The following ZNF600 variants were observed in gnomAD, a reference collection of about 807,000 sequenced individuals.
ZNF600 encodes the protein zinc finger protein KR-ZNF1.
A neutral mutation model predicts 7.3 loss-of-function variants in ZNF600; 4 were observed. The ratio of observed to expected loss-of-function variants is 0.55; its 90% CI spans 0.27 to 1.25. ZNF600 has a LOEUF of 1.25. Among genes scored for constraint, ZNF600 ranks in the 50% most tolerant of loss-of-function variants. The pLI is 0.12. For missense variants in ZNF600, 911 were observed against 922.1 expected (o/e 0.99, Z 0.16); for synonymous variants, 290 against 308.9 (o/e 0.94, Z 0.64).
the ZNF600 span, chr19:52,800,763 C>T: frequency 1.2e-6 from 2 of 1,613,998 alleles, no homozygotes; most frequent in South Asian, 1.1e-5. Flanking sequence ...AAAAACCTTG[C>T]CACATTCATT....
At chr19:52,817,096 G>T in the ZNF600 span, among the ~76,000 whole-genome samples, 1 of 151,758 alleles carries the variant, frequency 6.6e-6, no homozygotes, top group Non-Finnish European at 1.5e-5. Flanking sequence ...GAATAGGCCA[G>T]GAACGGTGGC....
chr19:52,774,410 CAA>C (rs2062655493), intron 3 of ZNF600, among the ~76,000 whole-genome samples, 163 bp downstream of exon 5: 3 of 138,270 alleles, frequency 2.2e-5, no homozygotes, highest in African/African-American at 8.0e-5. Context: ...GCCTGGGTAA[CAA>C]GAGCGAAGAT....
the ZNF600 span, among the ~76,000 whole-genome samples, chr19:52,814,859 C>A: frequency 6.8e-6 from 1 of 146,602 alleles, no homozygotes; most frequent in South Asian, 2.3e-4. Flanking sequence ...TGCGCTCCAG[C>A]CTGGGCAACA....
At chr19:52,819,087 A>C in the ZNF600 span, among the ~76,000 whole-genome samples, 2 of 139,984 alleles carry the variant, frequency 1.4e-5, no homozygotes, top group African/African-American at 2.8e-5. Flanking sequence ...CAGGGACAAC[A>C]ACCTGAGACA....
the ZNF600 span, among the ~76,000 whole-genome samples, chr19:52,826,891 A>G: frequency 3.3e-5 from 5 of 151,982 alleles, no homozygotes; most frequent in African/African-American, 1.2e-4. Context: ...CCCACCTAAA[A>G]AAGAAAAAAA....
upstream of ZNF600, among the ~76,000 whole-genome samples, chr19:52,787,971 G>A (rs1191927836): frequency 6.6e-6 from 1 of 151,986 alleles, no homozygotes; most frequent in Non-Finnish European, 1.5e-5. Context: ...ATTAATGTAT[G>A]ACTTTCATAC....
intron 1 of ZNF600, among the ~76,000 whole-genome samples, chr19:52,783,041 C>CT (rs2062735822): frequency 1.5e-5 from 2 of 136,314 alleles, no homozygotes; most frequent in Admixed American, 7.2e-5. Context: ...CTCTACTTCT[C>CT]TCCCTCACTC....
the ZNF600 span, among the ~76,000 whole-genome samples, chr19:52,823,088 T>C: frequency 6.6e-6 from 1 of 152,276 alleles, no homozygotes; most frequent in East Asian, 1.9e-4. Flanking sequence ...TCAAGGAAGG[T>C]TACTTTATCA....
chr19:52,801,877 T>C, the ZNF600 span, among the ~76,000 whole-genome samples: 1 of 152,202 alleles, frequency 6.6e-6, no homozygotes, highest in African/African-American at 2.4e-5. Context: ...CGATTATATG[T>C]CTTTCAAATC....
intron 1 of ZNF600, among the ~76,000 whole-genome samples, chr19:52,782,885 A>C (rs2062734351): frequency 6.6e-6 from 1 of 152,200 alleles, no homozygotes; most frequent in South Asian, 2.1e-4. Flanking sequence ...AAAAATAAAA[A>C]ATAAATAAAT....
At chr19:52,809,299 A>T in the ZNF600 span, among the ~76,000 whole-genome samples, 1 of 152,204 alleles carries the variant, frequency 6.6e-6, no homozygotes, top group African/African-American at 2.4e-5. Flanking sequence ...TTATACAGGG[A>T]AAAGTTGCAA....
At chr19:52,765,245 C>G (rs1314689415) in exon 4 of ZNF600, 2 of 567,766 alleles carry the variant, frequency 3.5e-6, no homozygotes, top group African/African-American at 3.8e-5. Flanking sequence ...TGCCACACTT[C>G]TGACATTTGT....
chr19:52,825,972 G>C, the ZNF600 span, among the ~76,000 whole-genome samples: 1 of 152,102 alleles, frequency 6.6e-6, no homozygotes, highest in African/African-American at 2.4e-5. Context: ...TGGGTGACAG[G>C]CACATTCATC....
At chr19:52,769,140 C>T (rs528884426) in intron 3 of ZNF600, among the ~76,000 whole-genome samples, 1 of 152,204 alleles carries the variant, frequency 6.6e-6, no homozygotes, top group Admixed American at 6.5e-5. Flanking sequence ...GGAACAACAC[C>T]CGCCACTTAG....
chr19:52,822,074 CTTTTT>C, the ZNF600 span, among the ~76,000 whole-genome samples: 5 of 78,686 alleles, frequency 6.4e-5, no homozygotes, highest in South Asian at 4.2e-4. Flanking sequence ...TTCTTTTTCC[CTTTTT>C]TTTTTTTTTT....
At chr19:52,783,382 G>A (rs528117388) in intron 1 of ZNF600, among the ~76,000 whole-genome samples, 13 of 152,162 alleles carry the variant, frequency 8.5e-5, no homozygotes, top group African/African-American at 3.1e-4. Context: ...TTTGTTTTGA[G>A]ACCGAGTCTC....
chr19:52,810,615 C>T, the ZNF600 span: 2 of 1,474,314 alleles, frequency 1.4e-6, no homozygotes, highest in Non-Finnish European at 1.9e-6. Flanking sequence ...ACAGCAGTTC[C>T]TGCTCTCCAT....
intron 1 of ZNF600, among the ~76,000 whole-genome samples, chr19:52,782,069 T>C (rs1568634454): frequency 6.7e-6 from 1 of 150,236 alleles, no homozygotes; most frequent in African/African-American, 2.5e-5. Flanking sequence ...TAAATATATA[T>C]ATCTAAACAT....
the ZNF600 span, chr19:52,808,036 A>G: frequency 1.2e-6 from 2 of 1,613,502 alleles, no homozygotes; most frequent in East Asian, 2.2e-5. Context: ...ATAATTCTCC[A>G]GCATCACATC....
Sources: allele counts gnomAD v4.1 joint callset (sites outside exome capture counted in the v4.1 genomes callset), GRCh38; gene constraint gnomAD v4.1.1; transcripts MANE v1.5; gene names NCBI Gene and HGNC (gene_info 2026-07-23, HGNC 2026-07-21).